The following RAD54L2 variants were observed in gnomAD, a reference collection of about 807,000 sequenced individuals.
The protein encoded by RAD54L2 is helicase ARIP4.
Under a neutral mutation model 138.4 loss-of-function variants are expected in RAD54L2, and 27 were observed. That is an observed-to-expected ratio of 0.20 (90% CI 0.14 to 0.27). RAD54L2 has a LOEUF of 0.27. RAD54L2 is among the 10% of genes least tolerant of loss of function. RAD54L2 has a pLI of 1.00. For synonymous variants in RAD54L2, 644 were observed against 723.2 expected (o/e 0.89, Z 1.76); for missense variants, 1,396 against 1,890.2 (o/e 0.74, Z 4.85).
rs1559618278 is a variant in RAD54L2, at chr3:51,563,983, G to A, written c.-55+22333G>A. Among the ~76,000 whole-genome samples the A allele has an allele frequency of 3.3e-5, 5 of 152,216 alleles. No homozygotes were observed. The South Asian group carries it at 1.0e-3, about 32-fold the overall frequency. ...GTCAAGTTTAGAAGGCAGCCCAGAG[G>A]GGGACAACTTTTGGAAAGCAAAATT... On this transcript the variant is annotated intron_variant, in intron 2 of 22. Coordinates refer to ENST00000684192, the MANE Select transcript of RAD54L2 (RefSeq NM_015106.4).
chr3:51,637,857 C>T lies in RAD54L2; in HGVS notation c.1683-287C>T, dbSNP rs1190078028. Among the ~76,000 whole-genome samples, 1 of 152,234 alleles carries T rather than the reference C, an allele frequency of 6.6e-6. No homozygotes were observed. Among genetic ancestry groups the T allele is most frequent in the Non-Finnish European group, 1.5e-5 (1 of 68,044 alleles). ...GTTGAGATGGCATATGGAGCGAAAGCTCAGAGAGGCAGCCCAAATTAAAGT... is the reference window on the plus strand; with the variant it reads ...GTTGAGATGGCATATGGAGCGAAAGTTCAGAGAGGCAGCCCAAATTAAAGT... On this transcript the variant is annotated intron_variant, in intron 11 of 22. Transcript: ENST00000684192. The surrounding 1 kb of genome is among the most constrained non-coding windows in gnomAD (Gnocchi z 5.9).
At position 51,665,573 on chromosome 3, in the gene RAD54L2, A is replaced by G. The variant is rs574190354; in HGVS notation, c.*2153A>G. 2.6e-5 allele frequency: 4 copies of G among 152,342 alleles called. No individual in the cohort carries two copies. In the South Asian group the frequency reaches 6.2e-4, roughly 24 times the overall value. 9.4% of individuals were successfully genotyped at this position (152,342 alleles called of 1,614,324 possible). A position where few individuals can be genotyped will look rare whatever the true frequency, so the allele number is the denominator to read the frequency against. ...CTTAGATCTACAATTTAGCTATGCA[A>G]ATTATTTTAATAATTTAAAAATAGC... On this transcript the variant is annotated 3_prime_UTR_variant, in exon 23 of 23. Transcript: ENST00000684192.
rs141079698 is a variant in RAD54L2 at position 51,663,238 on chromosome 3, A to G, written c.4222A>G (p.Asn1408Asp). ...APFPSPVLPS[N>D]LSRGMSIYPG... Reference sequence around the variant, plus strand: ...TTTTCCTTCCCCTGTCTTGCCCAGCAACCTTTCGCGGGGCATGTCTATCTA... The same window carrying G: ...TTTTCCTTCCCCTGTCTTGCCCAGCGACCTTTCGCGGGGCATGTCTATCTA... Residue 1408 changes from asparagine (N) to aspartate (D), a missense_variant, in exon 23 of 23, where the codon AAC (asparagine) becomes GAC (aspartate). Asn to Asp is a conservative substitution (Grantham distance 23). Transcript: ENST00000684192. The G allele has an allele frequency of 5.0e-5, 80 of 1,613,814 alleles. No homozygotes were observed. The African/African-American group carries it at 1.0e-3, about 20-fold the overall frequency.
chr3:51,629,305 C>T, intron 4 of RAD54L2, 29 bp from the exon 5 acceptor site: 3 of 1,566,198 alleles, frequency 1.9e-6, no homozygotes, highest in African/African-American at 2.7e-5. Context: ...TAATTGAACC[C>T]AAGTGCTGTC....
At position 51,557,637 on chromosome 3, in the gene RAD54L2, C is replaced by G. The variant is rs1354404650; in HGVS notation, c.-55+15987C>G. 4.6e-5 allele frequency among the ~76,000 whole-genome samples: 7 copies of G among 151,734 alleles called. No individual in the cohort carries two copies. The South Asian group carries it at 1.5e-3, about 32-fold the overall frequency. ...ACGAGGTCAGGAGTTTGAGACCAGC[C>G]TGATCAACGTGGTGAAACCCTGTCT... On this transcript the variant is annotated intron_variant, in intron 2 of 22. Coordinates refer to ENST00000684192, the MANE Select transcript of RAD54L2 (RefSeq NM_015106.4).
rs557733349 is a variant in RAD54L2 at position 51,626,616 on chromosome 3, T to C, written c.140-937T>C. Among the ~76,000 whole-genome samples, 406 of 151,626 alleles carry C rather than the reference T, an allele frequency of 2.7e-3. 3 individuals carry two copies. The Middle Eastern group carries it at 0.031, about 11-fold the overall frequency. ...CCCGCCACCATGCCTGGCTAATTTT[T>C]GTATTTTTAGTAGAGACTGGGTTTT... On this transcript the variant is annotated intron_variant, in intron 3 of 22. Coordinates refer to ENST00000684192, the MANE Select transcript of RAD54L2 (RefSeq NM_015106.4).
At chr3:51,547,244 CA>C (rs1478000146) in intron 2 of RAD54L2, among the ~76,000 whole-genome samples, 1 of 151,992 alleles carries the variant, frequency 6.6e-6, no homozygotes, top group Non-Finnish European at 1.5e-5. Flanking sequence ...TTATGGACCA[CA>C]TCTGAGCTAC....
chr3:51,542,910 C>T (rs1698589346), intron 2 of RAD54L2, among the ~76,000 whole-genome samples: 1 of 152,144 alleles, frequency 6.6e-6, no homozygotes, highest in Non-Finnish European at 1.5e-5. Context: ...AAACAGCGGG[C>T]TCTCCCATTG....
At chr3:51,619,994 C>T (rs888056308) in intron 3 of RAD54L2, among the ~76,000 whole-genome samples, 1 of 151,994 alleles carries the variant, frequency 6.6e-6, no homozygotes, top group African/African-American at 2.4e-5. Flanking sequence ...GTTCAGGCTC[C>T]GGTGCAGAGT....
Position 51,588,786 on chromosome 3 carries a change from T to C in RAD54L2, c.-54-1581T>C, listed in dbSNP as rs148940901. ...CACATGATAGACATAGTATAGCAGGTTAGCAAATGATGGACTGAATGTGAA... is the reference window on the plus strand; with the variant it reads ...CACATGATAGACATAGTATAGCAGGCTAGCAAATGATGGACTGAATGTGAA... On this transcript the variant is annotated intron_variant, in intron 2 of 22. Coordinates refer to ENST00000684192, the MANE Select transcript of RAD54L2 (RefSeq NM_015106.4). Among the ~76,000 whole-genome samples, 579 of 152,196 alleles carry C rather than the reference T, an allele frequency of 3.8e-3. 2 individuals carry two copies. The highest frequency in any genetic ancestry group is 9.6e-3 in the Admixed American group (146 of 15,284).
At chr3:51,619,850 A>G (rs1414765199) in intron 3 of RAD54L2, among the ~76,000 whole-genome samples, 1 of 151,976 alleles carries the variant, frequency 6.6e-6, no homozygotes, top group Non-Finnish European at 1.5e-5. Context: ...TATGGATCAT[A>G]TTTTCCTGTT....
chr3:51,560,188 C>T (rs1016988927), intron 2 of RAD54L2, among the ~76,000 whole-genome samples: 2 of 152,126 alleles, frequency 1.3e-5, no homozygotes, highest in African/African-American at 4.8e-5. Context: ...TGTGTGGCAT[C>T]TGGTTTTCAA....
At chr3:51,660,621 G>GT (rs142172583) in intron 22 of RAD54L2, among the ~76,000 whole-genome samples, 10,005 of 127,562 alleles carry the variant, frequency 0.078, 881 homozygotes, top group East Asian at 0.36. Context: ...TTTTTGTTTT[G>GT]TTTTTTTTGT....
At position 51,646,319 on chromosome 3, in the gene RAD54L2, G is replaced by A. The variant is rs761400539; in HGVS notation, c.2864G>A (p.Arg955Gln). ...GAGCATGAGTCATTGCTCTTGAACCGAAAGGATCACAAGCTAACCAAGGCT... is the reference window on the plus strand; with the variant it reads ...GAGCATGAGTCATTGCTCTTGAACCAAAAGGATCACAAGCTAACCAAGGCT... ...PFEHESLLLN[R>Q]KDHKLTKAEK... Residue 955 changes from arginine to glutamine, a missense_variant, in exon 19 of 23, where the codon CGA (arginine) becomes CAA (glutamine). Arg to Gln is a conservative substitution (Grantham distance 43). This residue lies in a region of RAD54L2 where 634 missense variants were observed against 711.2 expected (regional missense o/e 0.89). Coordinates refer to ENST00000684192, the MANE Select transcript of RAD54L2 (RefSeq NM_015106.4). The A allele has an allele frequency of 9.4e-6, 15 of 1,601,216 alleles. No homozygotes were observed. The highest frequency in any genetic ancestry group is 4.0e-5 in the African/African-American group (3 of 74,622).
In RAD54L2 at chr3:51,590,376, A is replaced by G. The variant is rs1699813310; in HGVS notation, c.-45A>G. 2.0e-6 allele frequency: 3 copies of G among 1,482,920 alleles called. No individual in the cohort carries two copies. The highest frequency in any genetic ancestry group is 1.4e-5 in the African/African-American group (1 of 71,206). 91.9% of individuals were successfully genotyped at this position (1,482,920 alleles called of 1,614,324 possible). A position where few individuals can be genotyped will look rare whatever the true frequency, so the allele number is the denominator to read the frequency against. On this transcript the variant is annotated 5_prime_UTR_variant, in exon 3 of 23. Transcript: ENST00000684192. ...TTTCATCCTCTCCTAGCACCCCTGCAGTGGACCATGAGTCGGTAATGCCCA... is the reference window on the plus strand; with the variant it reads ...TTTCATCCTCTCCTAGCACCCCTGCGGTGGACCATGAGTCGGTAATGCCCA...
At chr3:51,560,806 G>A (rs764188060) in intron 2 of RAD54L2, among the ~76,000 whole-genome samples, 1 of 152,086 alleles carries the variant, frequency 6.6e-6, no homozygotes, top group Non-Finnish European at 1.5e-5. Flanking sequence ...ACTGAGCCAG[G>A]TATCTTTATT....
rs1399125708 is a variant in RAD54L2, at chr3:51,613,748, G to C, written c.140-13805G>C. Among the ~76,000 whole-genome samples the C allele has an allele frequency of 4.8e-5, 7 of 147,122 alleles. No homozygotes were observed. In the Admixed American group the frequency reaches 4.8e-4, roughly 10 times the overall value. On this transcript the variant is annotated intron_variant, in intron 3 of 22. Coordinates refer to ENST00000684192, the MANE Select transcript of RAD54L2 (RefSeq NM_015106.4). ...CCACTGCATTCCAGCCTGGGCGATA[G>C]AGTGAGACTCTGTCTCCAAAAAAAA...
At chr3:51,646,135 T>C in intron 18 of RAD54L2, 150 bp from the exon 19 acceptor site, 1 of 705,884 alleles carries the variant, frequency 1.4e-6, no homozygotes, top group Admixed American at 2.9e-5. Flanking sequence ...AATTGTACTC[T>C]TGACAGAAAG....
intron 20 of RAD54L2, 97 bp from the exon 21 acceptor site, chr3:51,657,483 C>G: frequency 1.3e-6 from 1 of 744,298 alleles, no homozygotes; most frequent in Admixed American, 2.1e-5. Context: ...GTAGGGAAAC[C>G]AATGAAGAAC....
Sources: gnomAD v4.1 joint callset for allele counts (sites outside exome capture counted in the v4.1 genomes callset) on GRCh38, gnomAD v4.1.1 for gene constraint, gnomAD v4.1.1 regional missense constraint, Gnocchi (gnomAD v3.1) non-coding constraint, MANE v1.5 for transcripts, NCBI Gene and HGNC (gene_info 2026-07-23, HGNC 2026-07-21) for gene names.